Variants in CASQ2 observed in about 807,000 individuals in gnomAD.
CASQ2 encodes calsequestrin-2.
A neutral mutation model predicts 46.5 loss-of-function variants in CASQ2; 49 were observed. The observed-to-expected ratio is 1.05, with a 90% CI of 0.84 to 1.34. CASQ2 has a LOEUF of 1.34. CASQ2 is among the 40% of genes most tolerant of loss of function. The pLI, the probability that CASQ2 is intolerant of heterozygous loss-of-function variation, is 0.00. For synonymous variants in CASQ2, 174 were observed against 168.5 expected, an observed-to-expected ratio of 1.03 and a Z score of -0.25; for missense variants, 486 against 481.3, an observed-to-expected ratio of 1.01 and a Z score of -0.09.
intron 5 of CASQ2, among the ~76,000 whole-genome samples, chr1:115,729,118 C>T (rs1170487508): frequency 1.2e-4 from 17 of 137,322 alleles, no homozygotes; most frequent in African/African-American, 4.7e-4. Flanking sequence ...GGCACAGTCT[C>T]GGCTCACTGC....
chr1:115,710,671 C>G (rs1654515346), intron 8 of CASQ2, among the ~76,000 whole-genome samples: 1 of 152,130 alleles, frequency 6.6e-6, no homozygotes, highest in African/African-American at 2.4e-5. Context: ...CTCCCAGCAG[C>G]TGTAGTATGA....
At chr1:115,733,349 G>A (rs1223396687) in intron 4 of CASQ2, among the ~76,000 whole-genome samples, 1 of 152,178 alleles carries the variant, frequency 6.6e-6, no homozygotes, top group Non-Finnish European at 1.5e-5. Flanking sequence ...TAGAGAGAGT[G>A]CAGTTTGCCA....
chr1:115,740,700 T>C (rs2101095463), intron 3 of CASQ2, 28 bp downstream of exon 3: 3 of 1,386,736 alleles, frequency 2.2e-6, no homozygotes, highest in Non-Finnish European at 3.1e-6. Flanking sequence ...GGCAGCTCCA[T>C]GCAGGGTCAC....
At chr1:115,761,518 A>G (rs1278190047) in intron 1 of CASQ2, among the ~76,000 whole-genome samples, 23 of 109,810 alleles carry the variant, frequency 2.1e-4, no homozygotes, top group African/African-American at 4.7e-4. Flanking sequence ...GAAGAAGAAG[A>G]AGAAGAAGAA....
At chr1:115,705,016 G>T (rs1218358090) in intron 9 of CASQ2, among the ~76,000 whole-genome samples, 176 bp downstream of exon 9, 1 of 152,172 alleles carries the variant, frequency 6.6e-6, no homozygotes, top group African/African-American at 2.4e-5. Context: ...TCCTTTCAGG[G>T]TCAGCACCAG....
chr1:115,707,103 A>T (rs1248792655), intron 8 of CASQ2, among the ~76,000 whole-genome samples: 2 of 151,062 alleles, frequency 1.3e-5, no homozygotes, highest in African/African-American at 4.9e-5. Flanking sequence ...AGCAGCCTCG[A>T]CCTCCCAGGC....
intron 2 of CASQ2, among the ~76,000 whole-genome samples, chr1:115,744,256 T>G (rs1648305700): frequency 6.6e-6 from 1 of 152,196 alleles, no homozygotes; most frequent in Non-Finnish European, 1.5e-5. Context: ...CACTTAAGCA[T>G]GACATATCGA....
chr1:115,743,167 A>G (rs1413794392), intron 2 of CASQ2, among the ~76,000 whole-genome samples: 1 of 152,134 alleles, frequency 6.6e-6, no homozygotes, highest in Non-Finnish European at 1.5e-5. Flanking sequence ...GTCTCCAGGG[A>G]AAGAGACATC....
chr1:115,742,297 C>A (rs1648212602), intron 2 of CASQ2, among the ~76,000 whole-genome samples: 1 of 152,042 alleles, frequency 6.6e-6, no homozygotes, highest in African/African-American at 2.4e-5. Flanking sequence ...TTCTTGATAT[C>A]AATGATGGCC....
At chr1:115,750,651 G>A (rs1044140354) in intron 1 of CASQ2, among the ~76,000 whole-genome samples, 1 of 152,058 alleles carries the variant, frequency 6.6e-6, no homozygotes, top group Admixed American at 6.6e-5. Flanking sequence ...TGGGACTACA[G>A]GCCTGCACCA....
At chr1:115,739,028 C>A (rs142340129) in intron 3 of CASQ2, among the ~76,000 whole-genome samples, 2,771 of 147,326 alleles carry the variant, frequency 0.019, 42 homozygotes, top group Non-Finnish European at 0.029. Flanking sequence ...TCTCCAATTC[C>A]ATCTGTATAG....
At chr1:115,731,808 G>A (rs1181845374) in intron 5 of CASQ2, among the ~76,000 whole-genome samples, 3 of 152,196 alleles carry the variant, frequency 2.0e-5, no homozygotes, top group African/African-American at 7.2e-5. Flanking sequence ...AGTGTTGAAA[G>A]GATGAAGTGA....
chr1:115,709,063 C>A (rs1035718427), intron 8 of CASQ2, among the ~76,000 whole-genome samples: 1 of 152,226 alleles, frequency 6.6e-6, no homozygotes, highest in Non-Finnish European at 1.5e-5. Flanking sequence ...CTCCAAGGCT[C>A]TCCCCTCTTC....
At chr1:115,718,571 T>C (rs1286416249) in intron 7 of CASQ2, among the ~76,000 whole-genome samples, 1 of 152,152 alleles carries the variant, frequency 6.6e-6, no homozygotes, top group Admixed American at 6.5e-5. Flanking sequence ...CTAGGTGACT[T>C]CCTTGAAGTC....
intron 7 of CASQ2, among the ~76,000 whole-genome samples, chr1:115,725,217 C>T (rs984452209): frequency 1.9e-4 from 29 of 152,034 alleles, no homozygotes; most frequent in Admixed American, 1.8e-3. Flanking sequence ...CAGGCACATG[C>T]GACCATGCTC....
intron 2 of CASQ2, 21 bp downstream of exon 2, chr1:115,744,807 T>C (rs764054498): frequency 6.5e-7 from 1 of 1,545,132 alleles, no homozygotes; most frequent in South Asian, 1.1e-5. Context: ...CCACATACAG[T>C]ATCTCAAAAA....
chr1:115,750,031 G>A (rs1648524435), intron 1 of CASQ2, among the ~76,000 whole-genome samples: 1 of 152,190 alleles, frequency 6.6e-6, no homozygotes, highest in Non-Finnish European at 1.5e-5. Flanking sequence ...ATAAGAAGAA[G>A]GACCCTGTTT....
At chr1:115,729,152 C>T (rs897803176) in intron 5 of CASQ2, among the ~76,000 whole-genome samples, 4 of 146,626 alleles carry the variant, frequency 2.7e-5, no homozygotes, top group African/African-American at 7.6e-5. Flanking sequence ...CAGGTTCGAG[C>T]GATTCTCCTG....
At chr1:115,729,297 C>A (rs944621834) in intron 5 of CASQ2, among the ~76,000 whole-genome samples, 1 of 151,944 alleles carries the variant, frequency 6.6e-6, no homozygotes, top group Non-Finnish European at 1.5e-5. Context: ...TGATCCACCT[C>A]CCCCCTCGGC....
Sources: allele counts gnomAD v4.1 joint callset (sites outside exome capture counted in the v4.1 genomes callset), GRCh38; gene constraint gnomAD v4.1.1; transcripts MANE v1.5; gene names NCBI Gene and HGNC (gene_info 2026-07-23, HGNC 2026-07-21).